The following SLC10A1 variants were observed in gnomAD, a reference collection of about 807,000 sequenced individuals.
The protein encoded by SLC10A1 is solute carrier family 10 member 1.
Under a neutral mutation model 20.5 loss-of-function variants are expected in SLC10A1, and 36 were observed. The observed-to-expected ratio is 1.75, with a 90% CI of 1.34 to 2.32. SLC10A1 has a LOEUF of 2.32. SLC10A1 is among the 30% of genes most tolerant of loss of function. The pLI, the probability that SLC10A1 is intolerant of heterozygous loss-of-function variation, is 0.00. For synonymous variants in SLC10A1, 188 were observed against 163.6 expected (o/e 1.15, Z -1.14); for missense variants, 545 against 439.1 (o/e 1.24, Z -2.16).
chr14:69,778,259 A>G (rs1883495208), intron 4 of SLC10A1, 74 bp downstream of exon 4: 6 of 1,316,970 alleles, frequency 4.6e-6, no homozygotes, highest in Non-Finnish European at 6.3e-6. Context: ...AGTCCCTGCT[A>G]GAAACTTGCT....
rs1449016417 is a variant in SLC10A1, at chr14:69,776,235, C to A, written c.*47G>T. ...TGCTCTCTCTAGTTTACCACACTGG[C>A]TTTCAGAATTGCTTTGGGACCAGAA... On this transcript the variant is annotated 3_prime_UTR_variant, in exon 5 of 5. Coordinates refer to ENST00000216540, the MANE Select transcript of SLC10A1 (RefSeq NM_003049.4). 7.0e-7 allele frequency: 1 copy of A among 1,430,964 alleles called. No homozygotes were observed. The highest frequency in any genetic ancestry group is 9.8e-7 in the Non-Finnish European group (1 of 1,021,268). The allele number at this position is 1,430,964 out of a possible 1,614,324, so 88.6% of individuals were successfully genotyped here.
Position 69,776,330 on chromosome 14 carries a change from C to T in SLC10A1, c.1002G>A (p.Leu334=), listed in dbSNP as rs774906600. The T allele has an allele frequency of 1.2e-5, 19 of 1,613,798 alleles. No homozygotes were observed. In the South Asian group the frequency reaches 2.0e-4, roughly 17 times the overall value. The change falls in exon 5 of 5, where the codon CTG becomes CTA. Residue 334 remains leucine, a synonymous_variant. Coordinates refer to ENST00000216540, the MANE Select transcript of SLC10A1 (RefSeq NM_003049.4). ...CCTCCCCTTTGTAGGTGCCATTTCC[C>T]AGAGCTCCTGGAATTGTTTCTTCAG... ...ATTEETIPGA[L]GNGTYKGEDC... is the part of the protein sequence containing the mutation.
chr14:69,783,430 TAAGG>T (rs1200586012), intron 2 of SLC10A1, among the ~76,000 whole-genome samples: 4 of 152,296 alleles, frequency 2.6e-5, no homozygotes, highest in African/African-American at 7.2e-5. Flanking sequence ...CTTAGGAGGT[TAAGG>T]AAGGCTTCCT....
chr14:69,786,065 G>T (rs752431200), intron 2 of SLC10A1, 32 bp downstream of exon 2: 1 of 1,517,638 alleles, frequency 6.6e-7, no homozygotes, highest in Non-Finnish European at 9.2e-7. Flanking sequence ...TTACTCTTTT[G>T]CCCTAATTTG....
intron 2 of SLC10A1, among the ~76,000 whole-genome samples, chr14:69,785,866 C>T (rs1432685490): frequency 6.6e-6 from 1 of 151,680 alleles, no homozygotes; most frequent in African/African-American, 2.4e-5. Context: ...GCCTCAACTT[C>T]CCAAAGTGTT....
intron 1 of SLC10A1, among the ~76,000 whole-genome samples, chr14:69,794,335 C>T (rs1285070234): frequency 6.6e-6 from 1 of 152,184 alleles, no homozygotes; most frequent in African/African-American, 2.4e-5. Flanking sequence ...GGTGTCTGCC[C>T]ATGCCTTTGA....
At chr14:69,792,068 CA>C (rs1174461596) in intron 1 of SLC10A1, among the ~76,000 whole-genome samples, 2 of 151,900 alleles carry the variant, frequency 1.3e-5, no homozygotes, top group Non-Finnish European at 2.9e-5. Context: ...TCTCATGCCT[CA>C]GCCTCCTGAG....
intron 1 of SLC10A1, among the ~76,000 whole-genome samples, chr14:69,795,827 C>T (rs1882377213): frequency 1.3e-5 from 2 of 152,264 alleles, no homozygotes; most frequent in South Asian, 4.1e-4. Flanking sequence ...AGGGTGCTGA[C>T]AGACACAAGC....
At position 69,797,118 on chromosome 14, in the gene SLC10A1, G is replaced by T. The variant is rs771696128; in HGVS notation, c.38C>A (p.Thr13Asn). 12 of 1,613,726 alleles carry T rather than the reference G, an allele frequency of 7.4e-6. No individual in the cohort carries two copies. The East Asian group carries it at 2.7e-4, about 36-fold the overall frequency. Residue 13 changes from threonine to asparagine, a missense_variant, in exon 1 of 5, where the codon ACC becomes AAC. Coordinates refer to ENST00000216540, the MANE Select transcript of SLC10A1 (RefSeq NM_003049.4). ...GCGCTTGCCAAAGTTGGGTGGCAGG[G>T]TGAAGTTGAATGGGGCAGACGCGTT... is the stretch of plus-strand genomic sequence containing the variant. ...AHNASAPFNF[T>N]LPPNFGKRPT...
In SLC10A1 at chr14:69,776,310, C is replaced by T; in HGVS notation, c.1022G>A (p.Gly341Glu). 2 of 1,613,526 alleles carry T rather than the reference C, an allele frequency of 1.2e-6. No homozygotes were observed. The highest frequency in any genetic ancestry group is 1.7e-6 in the Non-Finnish European group (2 of 1,179,982). ...GGCTGTGCAAGGGGAGCAGTCCTCCCCTTTGTAGGTGCCATTTCCCAGAGC... is the reference window on the plus strand; with the variant it reads ...GGCTGTGCAAGGGGAGCAGTCCTCCTCTTTGTAGGTGCCATTTCCCAGAGC... ...PGALGNGTYK[G>E]EDCSPCTA The change falls in exon 5 of 5, where the codon GGG becomes GAG. Residue 341 changes from glycine to glutamate, a missense_variant. Transcript: ENST00000216540.
intron 4 of SLC10A1, among the ~76,000 whole-genome samples, chr14:69,778,052 C>G (rs550359344): frequency 1.3e-5 from 2 of 152,128 alleles, no homozygotes; most frequent in Non-Finnish European, 2.9e-5. Flanking sequence ...CCTATGATGT[C>G]TCCCCACTGA....
chr14:69,790,656 A>G (rs1038317630), intron 1 of SLC10A1, among the ~76,000 whole-genome samples: 2 of 152,240 alleles, frequency 1.3e-5, no homozygotes, highest in Middle Eastern at 6.8e-3. Flanking sequence ...AAGGAAATCT[A>G]TTAGAAAAAG....
intron 1 of SLC10A1, among the ~76,000 whole-genome samples, chr14:69,796,472 G>A (rs949906909): frequency 2.0e-5 from 3 of 152,200 alleles, no homozygotes; most frequent in African/African-American, 7.2e-5. Context: ...ACTGTTGTAG[G>A]TGGATGCAGT....
chr14:69,788,337 G>C (rs972339938), intron 1 of SLC10A1, among the ~76,000 whole-genome samples: 10 of 152,078 alleles, frequency 6.6e-5, no homozygotes, highest in African/African-American at 2.4e-4. Context: ...AAAAAACATG[G>C]AGAGGGGACT....
intron 2 of SLC10A1, among the ~76,000 whole-genome samples, chr14:69,782,626 T>C (rs1339201626): frequency 6.6e-6 from 1 of 151,966 alleles, no homozygotes; most frequent in African/African-American, 2.4e-5. Flanking sequence ...GCTAACACGG[T>C]GAAACCCCGT....
chr14:69,778,360 A>G lies in SLC10A1; in HGVS notation c.916T>C (p.Cys306Arg), dbSNP rs750245386. ...EGLLLIAIFW[C>R]YEKFKTPKDK... is the part of the protein sequence containing the mutation. ...TTGGGAGTCTTGAATTTCTCATAGCACCAAAATATGGCAATGAGGAGAAGC... is the reference window on the plus strand; with the variant it reads ...TTGGGAGTCTTGAATTTCTCATAGCGCCAAAATATGGCAATGAGGAGAAGC... Residue 306 changes from cysteine to arginine, a missense_variant, in exon 4 of 5, where the codon TGC (cysteine) becomes CGC (arginine). Physicochemically the swap from Cys to Arg is radical, Grantham distance 180. Coordinates refer to ENST00000216540, the MANE Select transcript of SLC10A1 (RefSeq NM_003049.4). The G allele has an allele frequency of 9.3e-6, 15 of 1,610,142 alleles. No individual in the cohort carries two copies. The highest frequency in any genetic ancestry group is 1.2e-5 in the Non-Finnish European group (14 of 1,178,452).
At chr14:69,781,372 A>G (rs898658211) in intron 2 of SLC10A1, among the ~76,000 whole-genome samples, 2 of 152,174 alleles carry the variant, frequency 1.3e-5, no homozygotes, top group Non-Finnish European at 2.9e-5. Flanking sequence ...GTGCTCATTC[A>G]TGGGCAGCCA....
chr14:69,785,129 C>T (rs193128291), intron 2 of SLC10A1, among the ~76,000 whole-genome samples: 1 of 152,188 alleles, frequency 6.6e-6, no homozygotes, highest in African/African-American at 2.4e-5. Flanking sequence ...AGGATGACCT[C>T]CTGGCCCTGG....
chr14:69,794,213 G>A (rs943276), intron 1 of SLC10A1, among the ~76,000 whole-genome samples: 19,328 of 152,168 alleles, frequency 0.13, 1,688 homozygotes, highest in Admixed American at 0.2. Flanking sequence ...TGTTTGGTTT[G>A]CACATTTAAA....
Sources: allele counts gnomAD v4.1 joint callset (sites outside exome capture counted in the v4.1 genomes callset), GRCh38; gene constraint gnomAD v4.1.1; transcripts MANE v1.5; gene names NCBI Gene and HGNC (gene_info 2026-07-23, HGNC 2026-07-21).